Variants in TENM2 observed in about 807,000 individuals in gnomAD.
TENM2 encodes the protein teneurin-2.
In TENM2, 52 loss-of-function variants were observed where a neutral mutation model predicts 245.2. That is an observed-to-expected ratio of 0.21 (90% CI 0.17 to 0.27). The LOEUF (loss-of-function observed/expected upper bound fraction) is 0.27, where lower values mean the gene tolerates loss of function less well. Ranked by LOEUF, TENM2 falls within the 10% of genes least tolerant of loss-of-function variation. The pLI, the probability that TENM2 is intolerant of heterozygous loss-of-function variation, is 1.00. For synonymous variants in TENM2, 1,363 were observed against 1,438.9 expected (o/e 0.95, Z 1.19); for missense variants, 3,046 against 3,666.8 (o/e 0.83, Z 4.37).
At chr5:168,082,439 C>T (rs1427664236) in intron 7 of TENM2, among the ~76,000 whole-genome samples, 4 of 152,152 alleles carry the variant, frequency 2.6e-5, no homozygotes, top group African/African-American at 4.8e-5. Flanking sequence ...TCTCTCAACC[C>T]GTCAAAGCCA....
chr5:167,706,101 C>A (rs988703333), intron 2 of TENM2, among the ~76,000 whole-genome samples: 1 of 140,370 alleles, frequency 7.1e-6, no homozygotes. Context: ...TATAATTATA[C>A]CAGTATATAT....
chr5:167,996,770 G>A lies in TENM2; in HGVS notation c.1186+3588G>A, dbSNP rs1784084077. On this transcript the variant is annotated intron_variant, in intron 5 of 28. Transcript: ENST00000518659. ...TTTTGAGACAGAGCCTCACTCCATT[G>A]TCCAGGTGCCCAGGCTGGAGTGCAG... 4.0e-5 allele frequency among the ~76,000 whole-genome samples: 6 copies of A among 149,178 alleles called. No individual in the cohort carries two copies. The South Asian group carries it at 1.3e-3, about 31-fold the overall frequency.
At chr5:167,587,364 T>C (rs1236434253) in intron 2 of TENM2, among the ~76,000 whole-genome samples, 1 of 152,194 alleles carries the variant, frequency 6.6e-6, no homozygotes, top group Non-Finnish European at 1.5e-5. Flanking sequence ...TGTCCGCTTG[T>C]TGTGAAACAG....
intron 27 of TENM2, among the ~76,000 whole-genome samples, chr5:168,251,644 T>G (rs1396757546): frequency 6.6e-6 from 1 of 152,218 alleles, no homozygotes. Flanking sequence ...AGTCTTAATT[T>G]GCCACTTAGG....
At chr5:167,786,744 C>CTA (rs1281047071) in intron 2 of TENM2, among the ~76,000 whole-genome samples, 1 of 152,226 alleles carries the variant, frequency 6.6e-6, no homozygotes, top group Non-Finnish European at 1.5e-5. Context: ...ACTTCACACT[C>CTA]TGTTTGTTCA....
At chr5:167,298,138 C>T (rs573432550) in intron 1 of TENM2, among the ~76,000 whole-genome samples, 8 of 151,944 alleles carry the variant, frequency 5.3e-5, no homozygotes, top group Non-Finnish European at 1.2e-4. Flanking sequence ...TAATGGGCGA[C>T]GTTTCTCAGG....
chr5:167,280,772 A>G (rs574110364), upstream of TENM2, among the ~76,000 whole-genome samples: 499 of 150,826 alleles, frequency 3.3e-3, 1 homozygote, highest in East Asian at 0.01. Context: ...CTATCTATCT[A>G]TCTATCTATC....
intron 26 of TENM2, among the ~76,000 whole-genome samples, chr5:168,245,113 C>T (rs2152687096): frequency 6.6e-6 from 1 of 151,676 alleles, no homozygotes; most frequent in African/African-American, 2.4e-5. Context: ...TGCCATGAGA[C>T]ATCTTAACAT....
intron 5 of TENM2, among the ~76,000 whole-genome samples, chr5:167,998,436 A>G (rs916022057): frequency 2.6e-5 from 4 of 152,198 alleles, no homozygotes; most frequent in Non-Finnish European, 4.4e-5. Flanking sequence ...GATGCTTCTC[A>G]TGTGTGACTC....
intron 2 of TENM2, among the ~76,000 whole-genome samples, chr5:167,515,620 CAT>C (rs1184519406): frequency 1.8e-5 from 2 of 109,378 alleles, no homozygotes; most frequent in Admixed American, 8.8e-5. Context: ...TATATATATA[CAT>C]ATATATACAT....
chr5:167,665,235 A>G (rs1490986850), intron 2 of TENM2, among the ~76,000 whole-genome samples: 2 of 152,200 alleles, frequency 1.3e-5, no homozygotes, highest in Admixed American at 6.5e-5. Context: ...ATACAATAAT[A>G]TACATAAAAT....
chr5:167,457,749 A>G (rs1766011133), intron 2 of TENM2, among the ~76,000 whole-genome samples: 3 of 152,178 alleles, frequency 2.0e-5, no homozygotes, highest in Admixed American at 1.3e-4. Flanking sequence ...AAAACAATCT[A>G]TTTTATACCA....
In TENM2 at chr5:168,244,776, C is replaced by CT. The variant is rs139210116; in HGVS notation, c.5817+71dup. Reference sequence around the variant, plus strand: ...TCTGTTATTTCTGTTATTCCGGCTTCTTTTTTTTTTTGAGACAGAGACTTG... The same window carrying CT: ...TCTGTTATTTCTGTTATTCCGGCTTCTTTTTTTTTTTTGAGACAGAGACTTG... On this transcript the variant is annotated intron_variant, in intron 26 of 28. Transcript: ENST00000518659. This position sits in a 1 kb window ranked among gnomAD's most constrained non-coding sequence, Gnocchi z 4.9. 49,824 of 1,006,958 alleles carry CT rather than the reference C, an allele frequency of 0.049. 106 individuals are homozygous for CT. The highest frequency in any genetic ancestry group is 0.081 in the African/African-American group (4,894 of 60,302). 62.4% of individuals were successfully genotyped at this position (1,006,958 alleles called of 1,614,324 possible).
At chr5:167,505,436 A>G (rs1377338928) in intron 2 of TENM2, among the ~76,000 whole-genome samples, 1 of 152,202 alleles carries the variant, frequency 6.6e-6, no homozygotes, top group Non-Finnish European at 1.5e-5. Flanking sequence ...AAATATTTAA[A>G]GCACAGAGAC....
the TENM2 span, among the ~76,000 whole-genome samples, chr5:167,181,947 T>C: frequency 6.6e-6 from 1 of 152,174 alleles, no homozygotes; most frequent in African/African-American, 2.4e-5. Context: ...TGTGGGTAGT[T>C]CTGTTTATTT....
the TENM2 span, among the ~76,000 whole-genome samples, chr5:167,079,455 GGGCA>G: frequency 6.6e-6 from 1 of 150,908 alleles, no homozygotes; most frequent in Non-Finnish European, 1.5e-5. Flanking sequence ...CTGGGATTGT[GGGCA>G]TGCGCCACCA....
chr5:167,131,800 G>GT, the TENM2 span, among the ~76,000 whole-genome samples: 1 of 151,984 alleles, frequency 6.6e-6, no homozygotes, highest in Admixed American at 6.6e-5. Context: ...TCTCTTTGGT[G>GT]TTTTTTATTT....
At chr5:168,229,791 G>A (rs888748057) in intron 25 of TENM2, 1 of 152,168 alleles carries the variant, frequency 6.6e-6, no homozygotes, top group Non-Finnish European at 1.5e-5. Context: ...CTCCACATTA[G>A]GTTAGCAGCA....
At chr5:167,967,836 C>T (rs538172734) in intron 4 of TENM2, among the ~76,000 whole-genome samples, 1 of 152,188 alleles carries the variant, frequency 6.6e-6, no homozygotes, top group African/African-American at 2.4e-5. Context: ...CTAATATCAA[C>T]TGTCATTCCC....
Sources: gnomAD v4.1 joint callset for allele counts (sites outside exome capture counted in the v4.1 genomes callset) on GRCh38, gnomAD v4.1.1 for gene constraint, Gnocchi (gnomAD v3.1) non-coding constraint, MANE v1.5 for transcripts, NCBI Gene and HGNC (gene_info 2026-07-23, HGNC 2026-07-21) for gene names.